CD44: variants seen among roughly 807,000 people sequenced by gnomAD.
CD44 encodes CD44 molecule (IN blood group), also known as CD44 antigen.
Under a neutral mutation model 88.8 loss-of-function variants are expected in CD44, and 49 were observed. The observed-to-expected ratio is 0.55, with a 90% CI of 0.44 to 0.70. The LOEUF (loss-of-function observed/expected upper bound fraction) is 0.70, where lower values mean the gene tolerates loss of function less well. Among genes scored for constraint, CD44 ranks in the 30% least tolerant of loss-of-function variants. The pLI, the probability that CD44 is intolerant of heterozygous loss-of-function variation, is 0.00. For synonymous variants in CD44, 325 were observed against 312.3 expected, an observed-to-expected ratio of 1.04 and a Z score of -0.43; for missense variants, 883 against 913.8, an observed-to-expected ratio of 0.97 and a Z score of 0.43.
At chr11:35,184,339 A>G (rs1243447932) in intron 3 of CD44, among the ~76,000 whole-genome samples, 3 of 152,182 alleles carry the variant, frequency 2.0e-5, no homozygotes, top group Non-Finnish European at 4.4e-5. Flanking sequence ...GCTCCATTCT[A>G]TTACAACTTG....
intron 1 of CD44, among the ~76,000 whole-genome samples, chr11:35,144,021 C>T (rs1050232353): frequency 5.3e-5 from 8 of 152,190 alleles, no homozygotes; most frequent in South Asian, 2.1e-4. Flanking sequence ...GTAGGTTGTG[C>T]GACCCTGGGT....
chr11:35,171,361 G>T (rs1208543694), intron 1 of CD44, among the ~76,000 whole-genome samples: 2 of 152,218 alleles, frequency 1.3e-5, no homozygotes, highest in African/African-American at 2.4e-5. Flanking sequence ...TAGCGTCAGG[G>T]TTAGGAGTTG....
chr11:35,210,937 G>T (rs1032885952), intron 13 of CD44, among the ~76,000 whole-genome samples: 7 of 152,126 alleles, frequency 4.6e-5, no homozygotes, highest in Non-Finnish European at 8.8e-5. Flanking sequence ...AGATTATCTA[G>T]TACCTCAGCT....
At chr11:35,194,147 T>C (rs1420159142) in intron 5 of CD44, among the ~76,000 whole-genome samples, 1 of 152,244 alleles carries the variant, frequency 6.6e-6, no homozygotes, top group Non-Finnish European at 1.5e-5. Context: ...CTTCACAGGT[T>C]ATTAAATTGC....
intron 10 of CD44, 86 bp downstream of exon 10, chr11:35,204,726 A>G: frequency 8.2e-7 from 1 of 1,217,366 alleles, no homozygotes; most frequent in Non-Finnish European, 1.2e-6. Context: ...ACAAAAGGAC[A>G]CTGGAGGAAT....
chr11:35,178,333 A>G (rs2180974), intron 2 of CD44, among the ~76,000 whole-genome samples: 22,635 of 152,240 alleles, frequency 0.15, 1,827 homozygotes, highest in Admixed American at 0.21. Flanking sequence ...TGGGAGCCCT[A>G]CTGCCCACCT....
chr11:35,141,593 C>T lies in CD44; in HGVS notation c.67+2223C>T, dbSNP rs145800382. Among the ~76,000 whole-genome samples the T allele has an allele frequency of 8.3e-3, 1,271 of 152,302 alleles. 12 individuals carry two copies. The highest frequency in any genetic ancestry group is 0.014 in the Middle Eastern group (4 of 294). On this transcript the variant is annotated intron_variant, in intron 1 of 17. Transcript: ENST00000428726. ...CCTGACTCCTTCCAACCTGTCTCCC[C>T]GTTCCTTCTAAAAGGCCCCACTTCC...
rs374637369 is a variant in CD44 at position 35,161,829 on chromosome 11, C to T, written c.68-14746C>T. The stretch of plus-strand genomic sequence containing the variant: ...TTCCAAATCTTATTTAATCTGTGTG[C>T]TGGGGGGGAAGAGGAGTGTATTTCC... On this transcript the variant is annotated intron_variant, in intron 1 of 17. Transcript: ENST00000428726. Among the ~76,000 whole-genome samples, 11 of 152,172 alleles carry T rather than the reference C, an allele frequency of 7.2e-5. No homozygotes were observed. The East Asian group carries it at 1.7e-3, about 24-fold the overall frequency.
At chr11:35,150,749 T>C (rs982590904) in intron 1 of CD44, among the ~76,000 whole-genome samples, 1 of 152,180 alleles carries the variant, frequency 6.6e-6, no homozygotes, top group African/African-American at 2.4e-5. Context: ...AGACACAGTA[T>C]TCTAGGAGAA....
Position 35,139,247 on chromosome 11 carries a change from C to A in CD44, c.-57C>A. ...TCCCGTCCTCCGCCGGCCCCTGCCC[C>A]GCGCCCAGGGATCCTCCAGCTCCTT... On this transcript the variant is annotated 5_prime_UTR_variant, in exon 1 of 18. Transcript: ENST00000428726. The A allele has an allele frequency of 1.4e-6, 2 of 1,419,032 alleles. No homozygotes were observed. Among genetic ancestry groups the A allele is most frequent in the Non-Finnish European group, 1.9e-6 (2 of 1,026,640 alleles). 87.9% of individuals were successfully genotyped at this position (1,419,032 alleles called of 1,614,324 possible). A position where few individuals can be genotyped will look rare whatever the true frequency, so the allele number is the denominator to read the frequency against.
At chr11:35,202,441 G>C (rs972694885) in intron 9 of CD44, among the ~76,000 whole-genome samples, 1 of 152,086 alleles carries the variant, frequency 6.6e-6, no homozygotes, top group African/African-American at 2.4e-5. Flanking sequence ...AGAATAGGGG[G>C]CCCCCTCACT....
chr11:35,188,278 G>A (rs1431342382), intron 4 of CD44, among the ~76,000 whole-genome samples: 5 of 152,182 alleles, frequency 3.3e-5, no homozygotes, highest in Non-Finnish European at 4.4e-5. Flanking sequence ...CAATAGGAAG[G>A]GGAGGCTTCA....
At chr11:35,146,970 G>A (rs1276396775) in intron 1 of CD44, among the ~76,000 whole-genome samples, 1 of 152,208 alleles carries the variant, frequency 6.6e-6, no homozygotes, top group Non-Finnish European at 1.5e-5. Flanking sequence ...CATTCATTCT[G>A]ATCTCTGAAT....
intron 1 of CD44, among the ~76,000 whole-genome samples, chr11:35,157,482 T>A (rs561129145): frequency 6.6e-6 from 1 of 152,344 alleles, no homozygotes; most frequent in East Asian, 1.9e-4. Context: ...CATATATCTA[T>A]CTCTATCTCT....
chr11:35,214,780 A>G (rs1948684835), intron 14 of CD44, 72 bp from the exon 15 acceptor site: 2 of 850,270 alleles, frequency 2.4e-6, no homozygotes, highest in Admixed American at 3.1e-5. Context: ...ATAAGAATGC[A>G]AAGGTAAAGA....
chr11:35,145,977 G>A (rs2133061998), intron 1 of CD44, among the ~76,000 whole-genome samples: 1 of 152,176 alleles, frequency 6.6e-6, no homozygotes, highest in East Asian at 1.9e-4. Flanking sequence ...ACCCATAACT[G>A]GGGCAGGTTT....
chr11:35,217,143 G>A (rs1425991983), intron 15 of CD44, among the ~76,000 whole-genome samples: 1 of 152,162 alleles, frequency 6.6e-6, no homozygotes, highest in African/African-American at 2.4e-5. Flanking sequence ...TGCTTGAAGT[G>A]AGAATCAAGC....
At chr11:35,166,127 A>T (rs1057166401) in intron 1 of CD44, among the ~76,000 whole-genome samples, 4 of 152,106 alleles carry the variant, frequency 2.6e-5, no homozygotes, top group African/African-American at 9.7e-5. Context: ...TGCTTTTTTC[A>T]TTTCATTTAC....
chr11:35,223,268 A>G, intron 17 of CD44: 1 of 985,322 alleles, frequency 1.0e-6, no homozygotes, highest in Non-Finnish European at 1.2e-6. Flanking sequence ...ACCTCCCTTC[A>G]GCTTCCTCAT....
Sources: allele counts gnomAD v4.1 joint callset (sites outside exome capture counted in the v4.1 genomes callset), GRCh38; gene constraint gnomAD v4.1.1; transcripts MANE v1.5; gene names NCBI Gene and HGNC (gene_info 2026-07-23, HGNC 2026-07-21).